CORO7: variants seen among roughly 807,000 people sequenced by gnomAD.
CORO7 encodes coronin 7, also known as coronin-7.
In CORO7, 107 loss-of-function variants were observed where a neutral mutation model predicts 126.6. The ratio of observed to expected loss-of-function variants is 0.85; its 90% CI spans 0.72 to 0.99. The LOEUF is 0.99. Among genes scored for constraint, CORO7 ranks in the 50% least tolerant of loss-of-function variants. The probability of loss-of-function intolerance (pLI) is 0.00; values close to 1 mark genes in which losing one functional copy is unlikely to be tolerated. For synonymous variants in CORO7, 603 were observed against 536.8 expected (o/e 1.12, Z -1.70); for missense variants, 1,314 against 1,255.8 (o/e 1.05, Z -0.70).
At chr16:4,391,757 C>G (rs2055399463) in intron 7 of CORO7, among the ~76,000 whole-genome samples, 1 of 152,208 alleles carries the variant, frequency 6.6e-6, no homozygotes, top group Non-Finnish European at 1.5e-5. Context: ...CAGAGAAGAG[C>G]CGTCTCCCCA....
rs186080752 is a variant in CORO7, at chr16:4,356,984, C to T, written c.2685+184G>A. ...GGGCAGGGCTCCCACTGCCCTCCCC[C>T]ACTTCCCGGGCCCCATGGTCAGTGG... On this transcript the variant is annotated intron_variant, in intron 26 of 27. Transcript: ENST00000251166. 258 of 806,334 alleles carry T rather than the reference C, an allele frequency of 3.2e-4. 1 individual carries two copies. The African/African-American group carries it at 4.0e-3, about 12-fold the overall frequency. 49.9% of individuals were successfully genotyped at this position (806,334 alleles called of 1,614,324 possible).
At chr16:4,357,513 C>T (rs141586113) in intron 25 of CORO7, 247 of 423,630 alleles carry the variant, frequency 5.8e-4, no homozygotes, top group African/African-American at 4.0e-3. Context: ...GCGCCCACCA[C>T]GCCAGGCTAA....
intron 6 of CORO7, among the ~76,000 whole-genome samples, chr16:4,403,000 T>C (rs528417965): frequency 2.6e-4 from 38 of 146,642 alleles, no homozygotes; most frequent in African/African-American, 9.6e-4. Context: ...CACGGAGGCT[T>C]CCCCGCCAGG....
rs770528848 is a variant in CORO7 at position 4,357,160 on chromosome 16, A to G, written c.2685+8T>C. ...CACCTCCGCACAGCTGCTCTCTCCC[A>G]TGCCTACCTCCTCCTTCTTTTGCTG... On this transcript the variant is annotated splice_region_variant and intron_variant, in intron 26 of 27. Coordinates refer to ENST00000251166, the MANE Select transcript of CORO7 (RefSeq NM_024535.5). 6.2e-7 allele frequency: 1 copy of G among 1,613,556 alleles called. No homozygotes were observed.
At chr16:4,409,623 C>T (rs1476290182) in intron 3 of CORO7, among the ~76,000 whole-genome samples, 1 of 152,252 alleles carries the variant, frequency 6.6e-6, no homozygotes, top group East Asian at 1.9e-4. Flanking sequence ...AGTCACGCGG[C>T]TAAGAGACAG....
intron 6 of CORO7, among the ~76,000 whole-genome samples, chr16:4,396,602 G>T (rs2055602220): frequency 6.6e-6 from 1 of 152,188 alleles, no homozygotes; most frequent in Non-Finnish European, 1.5e-5. Flanking sequence ...CAAGGGTGGG[G>T]AAGATGGGGG....
At chr16:4,395,994 C>CT (rs1349716931) in intron 6 of CORO7, among the ~76,000 whole-genome samples, 1 of 42,190 alleles carries the variant, frequency 2.4e-5, no homozygotes, top group South Asian at 5.1e-4. Flanking sequence ...TGCATGCACA[C>CT]GTTGTGTGTG....
intron 17 of CORO7, 54 bp downstream of exon 17, chr16:4,361,307 C>A: frequency 6.2e-7 from 1 of 1,610,248 alleles, no homozygotes; most frequent in African/African-American, 1.3e-5. Flanking sequence ...GGCTCCCCAG[C>A]CCCTATCCGG....
chr16:4,388,426 T>C (rs1346599713), intron 8 of CORO7, 119 bp downstream of exon 8: 4 of 1,147,764 alleles, frequency 3.5e-6, no homozygotes, highest in East Asian at 5.1e-5. Context: ...CCAGGCCGTA[T>C]ATGGACAGGC....
At chr16:4,383,413 T>G (rs769769767) in intron 9 of CORO7, 1 of 167,448 alleles carries the variant, frequency 6.0e-6, no homozygotes, top group Non-Finnish European at 1.5e-5. Flanking sequence ...AGAGATCCTT[T>G]CCCATTTATT....
chr16:4,415,024 G>T (rs945820043), intron 1 of CORO7, among the ~76,000 whole-genome samples: 1 of 151,980 alleles, frequency 6.6e-6, no homozygotes, highest in African/African-American at 2.4e-5. Flanking sequence ...ACCACACCTG[G>T]CTAATTTTTT....
At chr16:4,373,996 G>A (rs948229892) in intron 9 of CORO7, among the ~76,000 whole-genome samples, 19 of 152,092 alleles carry the variant, frequency 1.2e-4, no homozygotes, top group African/African-American at 4.6e-4. Flanking sequence ...TCCCTGGGCT[G>A]GGGAGCCCAA....
At chr16:4,406,064 AT>A (rs1347705638) in intron 5 of CORO7, among the ~76,000 whole-genome samples, 1 of 152,108 alleles carries the variant, frequency 6.6e-6, no homozygotes, top group Non-Finnish European at 1.5e-5. Flanking sequence ...CAGTGGTGCA[AT>A]CTCAGCTCAC....
In CORO7 at chr16:4,416,558, G is replaced by C. The variant is rs528921628; in HGVS notation, c.-40C>G. ...CGGCGGACGCGTCTTCGAGGACCCC[G>C]GGCGTCGGGTCTCAGGTGCACGCTG... On this transcript the variant is annotated 5_prime_UTR_variant, in exon 1 of 28. Coordinates refer to ENST00000251166, the MANE Select transcript of CORO7 (RefSeq NM_024535.5). 2 of 1,570,140 alleles carry C rather than the reference G, an allele frequency of 1.3e-6. No individual in the cohort carries two copies. Among genetic ancestry groups the C allele is most frequent in the Non-Finnish European group, 1.7e-6 (2 of 1,161,968 alleles).
chr16:4,357,868 G>A (rs1567241367), intron 25 of CORO7, 100 bp downstream of exon 25: 7 of 1,515,490 alleles, frequency 4.6e-6, no homozygotes, highest in East Asian at 2.3e-5. Flanking sequence ...AAGGCCAGAG[G>A]ATTCTGCGTG....
At chr16:4,357,800 A>T in intron 25 of CORO7, 168 bp downstream of exon 25, 2 of 1,258,950 alleles carry the variant, frequency 1.6e-6, no homozygotes, top group African/African-American at 3.0e-5. Flanking sequence ...AACACAGACC[A>T]CGAGCCCTGC....
Position 4,360,321 on chromosome 16 carries a change from A to T in CORO7, c.2065T>A (p.Trp689Arg). The change falls in exon 21 of 28, where the codon TGG becomes AGG. Residue 689 changes from tryptophan to arginine, a missense_variant. By Grantham distance (101) the Trp-to-Arg change is moderately radical. Coordinates refer to ENST00000251166, the MANE Select transcript of CORO7 (RefSeq NM_024535.5). ...AGCAGACAGCGACCATCACATACCC[A>T]GACAATGCGAGCTCCGCGTCCTCCC... ...PKGGRGARIV[W>R]VCDGRCLLVS... The T allele has an allele frequency of 6.2e-7, 1 of 1,613,660 alleles. No individual in the cohort carries two copies.
intron 9 of CORO7, among the ~76,000 whole-genome samples, chr16:4,386,691 G>A (rs2055204407): frequency 6.6e-6 from 1 of 152,214 alleles, no homozygotes; most frequent in African/African-American, 2.4e-5. Context: ...TATGGCTTCA[G>A]GGAAGGTGCC....
At chr16:4,380,985 C>A in intron 9 of CORO7, 1 of 1,608,228 alleles carries the variant, frequency 6.2e-7, no homozygotes, top group East Asian at 2.2e-5. Context: ...CACAGACAGT[C>A]TTCTGCACTG....
Sources: allele counts gnomAD v4.1 joint callset (sites outside exome capture counted in the v4.1 genomes callset), GRCh38; gene constraint gnomAD v4.1.1; transcripts MANE v1.5; gene names NCBI Gene and HGNC (gene_info 2026-07-23, HGNC 2026-07-21).